FCRL5: variants seen among roughly 807,000 people sequenced by gnomAD.
FCRL5 encodes the protein Fc receptor-like protein 5.
Under a neutral mutation model 92.1 loss-of-function variants are expected in FCRL5, and 79 were observed. The ratio of observed to expected loss-of-function variants is 0.86; its 90% confidence interval spans 0.72 to 1.03. The LOEUF (loss-of-function observed/expected upper bound fraction) is 1.03. Ranked by LOEUF, FCRL5 falls within the 50% of genes least tolerant of loss-of-function variation. FCRL5 has a pLI of 0.00. For synonymous variants in FCRL5, 466 were observed against 469.3 expected (o/e 0.99, Z 0.09); for missense variants, 1,160 against 1,181.1 (o/e 0.98, Z 0.26).
At chr1:157,538,754 T>C (rs1394124080) in intron 7 of FCRL5, among the ~76,000 whole-genome samples, 4 of 152,206 alleles carry the variant, frequency 2.6e-5, no homozygotes, top group Non-Finnish European at 5.9e-5. Flanking sequence ...CTATATCTAC[T>C]AAGAATAATT....
chr1:157,547,021 C>T lies in FCRL5; in HGVS notation c.229G>A (p.Val77Ile). ...LRETPDNILE[V>I]QESGEYRCQA... ...CATCTGTACTCTCCAGATTCCTGAACCTCAAGGATATTGTCTGGGGTTTCT... is the reference window on the plus strand; with the variant it reads ...CATCTGTACTCTCCAGATTCCTGAATCTCAAGGATATTGTCTGGGGTTTCT... The change falls in exon 3 of 17, where the codon GTT becomes ATT. Residue 77 changes from valine to isoleucine, a missense_variant. Physicochemically the swap from Val to Ile is conservative, Grantham distance 29. Coordinates refer to ENST00000361835, the MANE Select transcript of FCRL5 (RefSeq NM_031281.3). 1 of 1,614,160 alleles carries T rather than the reference C, an allele frequency of 6.2e-7. No homozygotes were observed.
rs899883866 is a variant in FCRL5, at chr1:157,519,643, C to A, written c.2660+100G>T. 20 of 1,346,054 alleles carry A rather than the reference C, an allele frequency of 1.5e-5. No individual in the cohort carries two copies. In the African/African-American group the frequency reaches 2.3e-4, roughly 16 times the overall value. The allele number at this position is 1,346,054 out of a possible 1,614,324, so 83.4% of individuals were successfully genotyped here. ...GTGGCCACACCCCAGCTCAGCAGCA[C>A]CTGGCAGAAACTGTGCTCTTGGTAA... On this transcript the variant is annotated intron_variant, in intron 13 of 16. Transcript: ENST00000361835.
Position 157,520,481 on chromosome 1 carries a change from C to T in FCRL5, c.2582G>A (p.Gly861Asp). ...GAGCAGCAGTGCCCCCGCAGCAAGG[C>T]CTGCTATGCTGAGCAGGCCCCCGGC... is the stretch of plus-strand genomic sequence containing the variant. ...GVAGGLLSIA[G>D]LAAGALLLYC... Residue 861 changes from glycine to aspartate, a missense_variant, in exon 12 of 17, where the codon GGC (glycine) becomes GAC (aspartate). Coordinates refer to ENST00000361835, the MANE Select transcript of FCRL5 (RefSeq NM_031281.3). The T allele has an allele frequency of 6.3e-7, 1 of 1,575,336 alleles. No individual in the cohort carries two copies. The highest frequency in any genetic ancestry group is 8.6e-7 in the Non-Finnish European group (1 of 1,160,116).
At chr1:157,542,730 G>A (rs573939403) in intron 6 of FCRL5, 129 bp downstream of exon 6, 4 of 1,129,706 alleles carry the variant, frequency 3.5e-6, no homozygotes, top group African/African-American at 1.6e-5. Flanking sequence ...GCCGGAGAGT[G>A]GAGGAGGACA....
At chr1:157,546,187 C>G (rs111667877) in intron 3 of FCRL5, 12 of 426,956 alleles carry the variant, frequency 2.8e-5, no homozygotes, top group African/African-American at 1.4e-4. Context: ...GTGGCTCATA[C>G]CTGTAATCCC....
At chr1:157,535,343 C>A (rs1371649176) in intron 7 of FCRL5, among the ~76,000 whole-genome samples, 1 of 152,188 alleles carries the variant, frequency 6.6e-6, no homozygotes, top group Non-Finnish European at 1.5e-5. Flanking sequence ...GACATAAAGT[C>A]CTTACCTCTT....
Position 157,515,707 on chromosome 1 carries a change from G to C in FCRL5, c.2902C>G (p.Leu968Val). Residue 968 changes from leucine (L) to valine (V), a missense_variant, in exon 17 of 17, where the codon CTG becomes GTG. Transcript: ENST00000361835. ...TGAGGAGCTGAGGAAGCCAAGAACA[G>C]GGATCCGGAAACCGGGGTTGACGCC... Reference protein sequence around the residue: ...KVASTPVSGSLFLASSAPHR With the variant: ...KVASTPVSGSVFLASSAPHR The C allele has an allele frequency of 1.2e-6, 2 of 1,614,210 alleles. No homozygotes were observed. The highest frequency in any genetic ancestry group is 1.7e-6 in the Non-Finnish European group (2 of 1,180,032).
Position 157,544,280 on chromosome 1 carries a change from A to G in FCRL5, c.826T>C (p.Ser276Pro). The change falls in exon 5 of 17, where the codon TCC (serine) becomes CCC (proline). Residue 276 changes from serine to proline, a missense_variant. Transcript: ENST00000361835. ...CACTTACTCTGCACCTGTATCCAGG[A>G]TCTCGGGCTGTCAGATATGACGCTG... ...PYSVISDSPRSWIQVQIPASH... is the reference protein window; with the variant it reads ...PYSVISDSPRPWIQVQIPASH... 1 of 1,614,108 alleles carries G rather than the reference A, an allele frequency of 6.2e-7. No homozygotes were observed. The highest frequency in any genetic ancestry group is 8.5e-7 in the Non-Finnish European group (1 of 1,180,002).
Position 157,515,732 on chromosome 1 carries a change from C to T in FCRL5, c.2877G>A (p.Val959=). The T allele has an allele frequency of 5.6e-6, 9 of 1,613,914 alleles. No homozygotes were observed. The highest frequency in any genetic ancestry group is 7.6e-6 in the Non-Finnish European group (9 of 1,179,964). Residue 959 remains valine, a synonymous_variant, in exon 17 of 17, where the codon GTG becomes GTA. Transcript: ENST00000361835. Reference sequence around the variant, plus strand: ...GGGATCCGGAAACCGGGGTTGACGCCACCTTAACTTCAGAGTAGATGATAG... The same window carrying T: ...GGGATCCGGAAACCGGGGTTGACGCTACCTTAACTTCAGAGTAGATGATAG... The part of the protein sequence containing the change: ...GSPIIYSEVK[V]ASTPVSGSLF...
rs146560284 is a variant in FCRL5 at position 157,547,469 on chromosome 1, T to A, written c.53-272A>T. ...AATATCACAGTTAGGTAGCCTTACATGGAAGTGGGTCCCAGAGAAAATCAA... is the reference window on the plus strand; with the variant it reads ...AATATCACAGTTAGGTAGCCTTACAAGGAAGTGGGTCCCAGAGAAAATCAA... On this transcript the variant is annotated intron_variant, in intron 2 of 16. Transcript: ENST00000361835. 2.2e-3 allele frequency: 1,321 copies of A among 607,190 alleles called. 9 individuals are homozygous for A. Among genetic ancestry groups the A allele is most frequent in the African/African-American group, 0.021 (1,155 of 55,466 alleles). The allele number at this position is 607,190 out of a possible 1,614,324, so 37.6% of individuals were successfully genotyped here. A position where few individuals can be genotyped will look rare whatever the true frequency, so the allele number is the denominator to read the frequency against.
chr1:157,527,991 G>A (rs898889581), intron 8 of FCRL5, 96 bp from the exon 9 acceptor site: 13 of 1,350,226 alleles, frequency 9.6e-6, no homozygotes, highest in Middle Eastern at 1.9e-4. Context: ...AAGAAATAAA[G>A]GACATCCAAA....
intron 8 of FCRL5, among the ~76,000 whole-genome samples, chr1:157,529,202 C>G (rs1453007603): frequency 6.6e-6 from 1 of 151,996 alleles, no homozygotes; most frequent in South Asian, 2.1e-4. Flanking sequence ...AACATGTAAA[C>G]GTGCTCATCA....
chr1:157,542,829 G>A, intron 6 of FCRL5, 30 bp downstream of exon 6: 2 of 1,596,482 alleles, frequency 1.3e-6, no homozygotes, highest in African/African-American at 1.3e-5. Context: ...TTGGCCAGGG[G>A]TGGGTGATTG....
intron 10 of FCRL5, chr1:157,523,676 G>C (rs1212325394): frequency 6.6e-6 from 1 of 152,302 alleles, no homozygotes; most frequent in Non-Finnish European, 1.5e-5. Flanking sequence ...GAACAGCTTC[G>C]AGAATAGAGG....
chr1:157,525,837 A>T (rs1161210581), intron 9 of FCRL5, among the ~76,000 whole-genome samples: 1 of 152,028 alleles, frequency 6.6e-6, no homozygotes, highest in Non-Finnish European at 1.5e-5. Context: ...AGAGGTAGGA[A>T]CCCTTGAAAG....
At chr1:157,533,358 T>G (rs1400398520) in intron 8 of FCRL5, 1 of 152,242 alleles carries the variant, frequency 6.6e-6, no homozygotes, top group Non-Finnish European at 1.5e-5. Flanking sequence ...CTTTCTACTT[T>G]GCATTCTGTA....
chr1:157,515,333 T>G lies in FCRL5; in HGVS notation c.*342A>C. On this transcript the variant is annotated 3_prime_UTR_variant, in exon 17 of 17. Coordinates refer to ENST00000361835, the MANE Select transcript of FCRL5 (RefSeq NM_031281.3). ...CATCTCCTGAAGGCCCACTCTCCCT[T>G]TGTGTGGTAAGACCCCCTCTGTGGG... The G allele has an allele frequency of 1.1e-5, 3 of 274,680 alleles. No homozygotes were observed. Among genetic ancestry groups the G allele is most frequent in the Non-Finnish European group, 2.1e-5 (3 of 140,984 alleles). The allele number at this position is 274,680 out of a possible 1,614,324, so 17.0% of individuals were successfully genotyped here.
At chr1:157,550,981 A>T (rs542276399) in intron 1 of FCRL5, among the ~76,000 whole-genome samples, 47 of 152,342 alleles carry the variant, frequency 3.1e-4, no homozygotes, top group African/African-American at 1.1e-3. Context: ...GACTTATCCA[A>T]ACTTAAGTGT....
rs111489742 is a variant in FCRL5, at chr1:157,548,244, G to A, written c.53-1047C>T. Among the ~76,000 whole-genome samples, 552 of 152,318 alleles carry A rather than the reference G, an allele frequency of 3.6e-3. 5 individuals carry two copies. Among genetic ancestry groups the A allele is most frequent in the African/African-American group, 9.4e-3 (389 of 41,564 alleles). On this transcript the variant is annotated intron_variant, in intron 2 of 16. Transcript: ENST00000361835. ...CATGAAGCTATCCTGGCCCTTGGAC[G>A]ATGCCAAAAAACCAGGCATCACTTT...
Sources: gnomAD v4.1 joint callset for allele counts (sites outside exome capture counted in the v4.1 genomes callset) on GRCh38, gnomAD v4.1.1 for gene constraint, MANE v1.5 for transcripts, NCBI Gene and HGNC (gene_info 2026-07-23, HGNC 2026-07-21) for gene names.